PIGU: variants seen among roughly 807,000 people sequenced by gnomAD.
The protein encoded by PIGU is GPI-anchor transamidase component PIGU.
Under a neutral mutation model 49.9 loss-of-function variants are expected in PIGU, and 24 were observed. The ratio of observed to expected loss-of-function variants is 0.48; its 90% confidence interval spans 0.35 to 0.68. The LOEUF (loss-of-function observed/expected upper bound fraction) is 0.68. Ranked by LOEUF, PIGU falls within the 30% of genes least tolerant of loss-of-function variation. The pLI is 0.01. For missense variants in PIGU, 490 were observed against 532.6 expected (o/e 0.92, Z 0.79); for synonymous variants, 220 against 205.7 (o/e 1.07, Z -0.59).
chr20:34,574,590 C>T (rs1983145288), intron 11 of PIGU, among the ~76,000 whole-genome samples: 2 of 152,278 alleles, frequency 1.3e-5, no homozygotes, highest in South Asian at 4.1e-4. Flanking sequence ...TCCCCAACAG[C>T]CAGACCGGCC....
At chr20:34,609,109 G>A (rs1425417460) in intron 7 of PIGU, among the ~76,000 whole-genome samples, 1 of 151,970 alleles carries the variant, frequency 6.6e-6, no homozygotes, top group East Asian at 1.9e-4. Context: ...GTGAGACCCT[G>A]TCTCTAAAAA....
chr20:34,615,984 G>C (rs1600630982), intron 7 of PIGU, 58 bp downstream of exon 7: 2 of 1,554,430 alleles, frequency 1.3e-6, no homozygotes, highest in Non-Finnish European at 1.7e-6. Flanking sequence ...CCCCAGCAGG[G>C]ACCAGGCCAT....
intron 1 of PIGU, among the ~76,000 whole-genome samples, chr20:34,674,168 C>T (rs920615617): frequency 4.0e-5 from 6 of 151,828 alleles, no homozygotes; most frequent in Non-Finnish European, 8.8e-5. Context: ...CCAGACTAGC[C>T]AACATGGTGA....
chr20:34,673,331 C>T (rs1329395048), intron 1 of PIGU, among the ~76,000 whole-genome samples: 1 of 151,910 alleles, frequency 6.6e-6, no homozygotes, highest in Non-Finnish European at 1.5e-5. Context: ...AAATTCCTGC[C>T]TTTTAGGGTT....
At chr20:34,631,275 A>G (rs1985697336) in intron 6 of PIGU, among the ~76,000 whole-genome samples, 1 of 152,148 alleles carries the variant, frequency 6.6e-6, no homozygotes, top group Admixed American at 6.6e-5. Flanking sequence ...GAAAGTAAGT[A>G]AAAATGATGG....
intron 6 of PIGU, among the ~76,000 whole-genome samples, chr20:34,627,392 T>C (rs1430687490): frequency 6.6e-6 from 1 of 152,106 alleles, no homozygotes; most frequent in Non-Finnish European, 1.5e-5. Context: ...AAATTATGTA[T>C]ATAACATTAC....
At chr20:34,569,902 G>T (rs1982934232) in intron 11 of PIGU, among the ~76,000 whole-genome samples, 1 of 152,216 alleles carries the variant, frequency 6.6e-6, no homozygotes, top group South Asian at 2.1e-4. Context: ...CTACTAAGAG[G>T]ATGTGACAAA....
intron 6 of PIGU, among the ~76,000 whole-genome samples, chr20:34,633,816 G>A (rs772355357): frequency 2.0e-5 from 3 of 152,074 alleles, no homozygotes; most frequent in Non-Finnish European, 2.9e-5. Flanking sequence ...CAATCCAACC[G>A]CCTTGGCCTC....
chr20:34,662,750 T>C (rs555772784), intron 1 of PIGU, among the ~76,000 whole-genome samples: 13 of 152,352 alleles, frequency 8.5e-5, no homozygotes, highest in Admixed American at 8.5e-4. Context: ...AATGAACATG[T>C]ACTCAATGAG....
At chr20:34,650,700 C>CTCTTTTTTTTTTTT (rs1986509194) in intron 2 of PIGU, among the ~76,000 whole-genome samples, 2 of 38,778 alleles carry the variant, frequency 5.2e-5, no homozygotes, top group African/African-American at 2.3e-4. Context: ...CTTTTTTTCT[C>CTCTTTTTTTTTTTT]TTTTTTTTTT....
At chr20:34,589,802 C>T (rs1983880733) in intron 7 of PIGU, among the ~76,000 whole-genome samples, 1 of 151,474 alleles carries the variant, frequency 6.6e-6, no homozygotes, top group African/African-American at 2.4e-5. Context: ...ACTACAGGTG[C>T]CTGCCACCAC....
intron 7 of PIGU, among the ~76,000 whole-genome samples, chr20:34,606,673 A>G (rs1049682102): frequency 5.0e-4 from 76 of 152,178 alleles, no homozygotes; most frequent in Admixed American, 2.6e-3. Flanking sequence ...AGCACTATAT[A>G]TATCATGTCA....
At chr20:34,566,325 G>C (rs544611236) in intron 11 of PIGU, among the ~76,000 whole-genome samples, 3 of 152,370 alleles carry the variant, frequency 2.0e-5, no homozygotes, top group Non-Finnish European at 2.9e-5. Flanking sequence ...CACAGGGCCA[G>C]CTCTCTCTGA....
rs184886034 is a variant in PIGU, at chr20:34,617,276, G to A, written c.530-1137C>T. Among the ~76,000 whole-genome samples the A allele has an allele frequency of 1.6e-3, 239 of 152,232 alleles. 1 individual carries two copies. Among genetic ancestry groups the A allele is most frequent in the African/African-American group, 5.7e-3 (237 of 41,536 alleles). On this transcript the variant is annotated intron_variant, in intron 6 of 11. Coordinates refer to ENST00000217446, the MANE Select transcript of PIGU (RefSeq NM_080476.5). ...GGTAGATCCACCGACAGCTTGCACCGTGGGCCTGGAAAAGCCACAGACACT... is the reference window on the plus strand; with the variant it reads ...GGTAGATCCACCGACAGCTTGCACCATGGGCCTGGAAAAGCCACAGACACT...
intron 7 of PIGU, among the ~76,000 whole-genome samples, chr20:34,602,320 G>T (rs915140858): frequency 6.6e-6 from 1 of 151,190 alleles, no homozygotes; most frequent in Non-Finnish European, 1.5e-5. Context: ...TGTATGGCTG[G>T]GTGCGGTGGC....
chr20:34,567,266 C>T (rs1243498655), intron 11 of PIGU, among the ~76,000 whole-genome samples: 2 of 152,176 alleles, frequency 1.3e-5, no homozygotes, highest in Non-Finnish European at 1.5e-5. Context: ...ACCCACAGGC[C>T]GGAGCGGACA....
intron 1 of PIGU, among the ~76,000 whole-genome samples, chr20:34,670,038 G>A (rs930828775): frequency 2.0e-5 from 3 of 152,168 alleles, no homozygotes; most frequent in African/African-American, 7.2e-5. Flanking sequence ...AAAAGAGTGA[G>A]GGGATTGTGA....
rs1007227085 is a variant in PIGU, at chr20:34,614,557, G to A, written c.627+1485C>T. 3.3e-5 allele frequency among the ~76,000 whole-genome samples: 5 copies of A among 151,350 alleles called. No homozygotes were observed. In the South Asian group the frequency reaches 8.4e-4, roughly 25 times the overall value. On this transcript the variant is annotated intron_variant, in intron 7 of 11. Transcript: ENST00000217446. ...AGACGATCGATTGAGCCTGGGAGAT[G>A]GAGGCTGCAGTGAGCTGAGATTGTG...
intron 7 of PIGU, among the ~76,000 whole-genome samples, chr20:34,600,237 T>C (rs1252503425): frequency 6.6e-6 from 1 of 152,004 alleles, no homozygotes; most frequent in African/African-American, 2.4e-5. Context: ...CGAAACCCTG[T>C]CTCTACTAAA....
Sources: allele counts gnomAD v4.1 joint callset (sites outside exome capture counted in the v4.1 genomes callset), GRCh38; gene constraint gnomAD v4.1.1; transcripts MANE v1.5; gene names NCBI Gene and HGNC (gene_info 2026-07-23, HGNC 2026-07-21).